The following GMDS variants were observed in gnomAD, a reference collection of about 807,000 sequenced individuals.
GMDS encodes GDP-mannose 4,6 dehydratase.
In GMDS, 20 loss-of-function variants were observed where a neutral mutation model predicts 49.9. The ratio of observed to expected loss-of-function variants is 0.40; its 90% CI spans 0.28 to 0.58. GMDS has a LOEUF of 0.58. Among genes scored for constraint, GMDS ranks in the 20% least tolerant of loss-of-function variants. The pLI, the probability that GMDS is intolerant of heterozygous loss-of-function variation, is 0.42. For missense variants in GMDS, 362 were observed against 481.4 expected, an observed-to-expected ratio of 0.75 and a Z score of 2.32; for synonymous variants, 177 against 178.6, an observed-to-expected ratio of 0.99 and a Z score of 0.07.
At chr6:1,651,034 T>C (rs1763638340) in intron 9 of GMDS, among the ~76,000 whole-genome samples, 1 of 152,136 alleles carries the variant, frequency 6.6e-6, no homozygotes, top group African/African-American at 2.4e-5. Context: ...AGCTCTACAG[T>C]GAAGATTGGT....
chr6:2,051,275 T>C (rs524186), intron 4 of GMDS, among the ~76,000 whole-genome samples: 60,144 of 151,992 alleles, frequency 0.4, 12,163 homozygotes, highest in Middle Eastern at 0.48. Context: ...GTAAGAACCA[T>C]AAGACAGTAA....
At chr6:2,031,202 A>G (rs1768941171) in intron 4 of GMDS, among the ~76,000 whole-genome samples, 1 of 152,230 alleles carries the variant, frequency 6.6e-6, no homozygotes, top group Admixed American at 6.5e-5. Context: ...TCAGAAAAGC[A>G]AAGAACTAGA....
intron 7 of GMDS, among the ~76,000 whole-genome samples, chr6:1,922,661 G>C (rs1761776186): frequency 6.6e-6 from 1 of 152,152 alleles, no homozygotes; most frequent in Admixed American, 6.5e-5. Context: ...TCAGTCAGTA[G>C]AAGAGAGAAA....
intron 7 of GMDS, among the ~76,000 whole-genome samples, chr6:1,853,300 C>T (rs1461377905): frequency 5.3e-5 from 8 of 151,370 alleles, no homozygotes; most frequent in South Asian, 2.1e-4. Context: ...GGGCGGATCA[C>T]GAGGTCAGGA....
chr6:2,202,264 G>A lies in GMDS; in HGVS notation c.102+43057C>T, dbSNP rs539558528. Among the ~76,000 whole-genome samples, 16 of 149,940 alleles carry A rather than the reference G, an allele frequency of 1.1e-4. No individual in the cohort carries two copies. The South Asian group carries it at 3.1e-3, about 29-fold the overall frequency. On this transcript the variant is annotated intron_variant, in intron 1 of 10. Coordinates refer to ENST00000380815, the MANE Select transcript of GMDS (RefSeq NM_001500.4). ...AAGAGAGAGCACCACATGGACATCC[G>A]AGATGAAACCATCTAGGCAGTGAGG...
chr6:2,019,622 G>A (rs1354115383), intron 4 of GMDS, among the ~76,000 whole-genome samples: 1 of 151,980 alleles, frequency 6.6e-6, no homozygotes, highest in East Asian at 1.9e-4. Context: ...GCTAATTTTT[G>A]TATTTTTAGT....
intron 4 of GMDS, among the ~76,000 whole-genome samples, chr6:2,099,572 A>G (rs917365693): frequency 1.3e-5 from 2 of 152,120 alleles, no homozygotes; most frequent in African/African-American, 4.8e-5. Flanking sequence ...TTCTTCATTC[A>G]GATTTCTATT....
At chr6:1,670,384 T>TC (rs1325788619) in intron 9 of GMDS, among the ~76,000 whole-genome samples, 3 of 150,218 alleles carry the variant, frequency 2.0e-5, no homozygotes, top group Non-Finnish European at 3.0e-5. Context: ...TTTTTTTTTT[T>TC]CACCTGCACT....
chr6:2,143,585 A>G (rs1313853467), intron 1 of GMDS, among the ~76,000 whole-genome samples: 2 of 151,998 alleles, frequency 1.3e-5, no homozygotes, highest in African/African-American at 4.8e-5. Context: ...ATTACCACAG[A>G]ACTGTCTGGT....
chr6:1,944,964 C>T (rs544327169), intron 6 of GMDS, among the ~76,000 whole-genome samples: 2 of 152,228 alleles, frequency 1.3e-5, no homozygotes, highest in Admixed American at 6.5e-5. Context: ...ACAAAAGATA[C>T]TTATTCACCC....
chr6:2,118,642 C>T (rs892285937), intron 2 of GMDS, among the ~76,000 whole-genome samples: 1 of 152,174 alleles, frequency 6.6e-6, no homozygotes, highest in African/African-American at 2.4e-5. Context: ...GGATACAACA[C>T]ACCCACAGTT....
At chr6:2,175,875 AT>A (rs1778260755) in intron 1 of GMDS, 2 of 895,896 alleles carry the variant, frequency 2.2e-6, no homozygotes, top group Non-Finnish European at 3.6e-6. Flanking sequence ...AAACAGCCCT[AT>A]CAGGCTTGTG....
At chr6:1,772,093 C>T (rs1003257563) in intron 7 of GMDS, among the ~76,000 whole-genome samples, 11 of 152,130 alleles carry the variant, frequency 7.2e-5, no homozygotes, top group Non-Finnish European at 1.6e-4. Flanking sequence ...GAAAACAGTA[C>T]AATAATGTGT....
chr6:1,935,937 GA>G (rs1762507489), intron 6 of GMDS, among the ~76,000 whole-genome samples: 1 of 152,150 alleles, frequency 6.6e-6, no homozygotes, highest in African/African-American at 2.4e-5. Context: ...ATCCCCAGGT[GA>G]AGGGGGATCT....
chr6:1,923,251 T>G (rs1162439221), intron 7 of GMDS, among the ~76,000 whole-genome samples: 1 of 152,196 alleles, frequency 6.6e-6, no homozygotes, highest in Non-Finnish European at 1.5e-5. Flanking sequence ...TCATTCTTCT[T>G]GGACTCCCAA....
At chr6:2,081,785 A>G (rs1257362647) in intron 4 of GMDS, among the ~76,000 whole-genome samples, 2 of 152,082 alleles carry the variant, frequency 1.3e-5, no homozygotes, top group Non-Finnish European at 2.9e-5. Context: ...TGAATGACCC[A>G]TCATTTCTGT....
intron 7 of GMDS, among the ~76,000 whole-genome samples, chr6:1,773,662 C>A (rs1768675823): frequency 6.6e-6 from 1 of 152,194 alleles, no homozygotes; most frequent in Non-Finnish European, 1.5e-5. Context: ...TGGCCCAGTT[C>A]TCCTTGGGGA....
rs114100952 is a variant in GMDS at position 2,244,449 on chromosome 6, A to T, written c.102+872T>A. On this transcript the variant is annotated intron_variant, in intron 1 of 10. Coordinates refer to ENST00000380815, the MANE Select transcript of GMDS (RefSeq NM_001500.4). ...CCCAGAGATACCCAGGAGCACACAC[A>T]TCACATTCTTTCTACAGCAATATGT... Among the ~76,000 whole-genome samples the T allele has an allele frequency of 6.1e-3, 932 of 152,206 alleles. 3 individuals carry two copies. Among genetic ancestry groups the T allele is most frequent in the Middle Eastern group, 0.017 (5 of 294 alleles).
At chr6:2,080,713 G>C (rs1404889972) in intron 4 of GMDS, among the ~76,000 whole-genome samples, 1 of 152,146 alleles carries the variant, frequency 6.6e-6, no homozygotes. Flanking sequence ...GCAGTGGGTT[G>C]AGCATGCATT....
Sources: allele counts gnomAD v4.1 joint callset (sites outside exome capture counted in the v4.1 genomes callset), GRCh38; gene constraint gnomAD v4.1.1; transcripts MANE v1.5; gene names NCBI Gene and HGNC (gene_info 2026-07-23, HGNC 2026-07-21).